MGAT4C: variants seen among roughly 807,000 people sequenced by gnomAD.
The protein encoded by MGAT4C is MGAT4 family member C, also known as alpha-1,3-mannosyl-glycoprotein 4-beta-N-acetylglucosaminyltransferase C.
In MGAT4C, 19 loss-of-function variants were observed where a neutral mutation model predicts 40.1. The ratio of observed to expected loss-of-function variants is 0.47; its 90% CI spans 0.33 to 0.70. The LOEUF (loss-of-function observed/expected upper bound fraction) is 0.70, where lower values mean the gene tolerates loss of function less well. MGAT4C is among the 30% of genes least tolerant of loss of function. The pLI is 0.02. For missense variants in MGAT4C, 491 were observed against 563.2 expected (o/e 0.87, Z 1.30); for synonymous variants, 181 against 187.1 (o/e 0.97, Z 0.27).
intron 1 of MGAT4C, among the ~76,000 whole-genome samples, chr12:86,069,619 C>A (rs958339351): frequency 6.6e-6 from 1 of 152,072 alleles, no homozygotes; most frequent in Non-Finnish European, 1.5e-5. Context: ...GTTCCCCAGG[C>A]CAATTACAGT....
chr12:86,704,721 A>C (rs2136620987), intron 2 of MGAT4C, among the ~76,000 whole-genome samples: 1 of 152,256 alleles, frequency 6.6e-6, no homozygotes, highest in Non-Finnish European at 1.5e-5. Context: ...TAGTAAAATT[A>C]ATTTTCTTGC....
intron 3 of MGAT4C, among the ~76,000 whole-genome samples, chr12:86,366,475 A>C (rs1277799702): frequency 1.3e-5 from 2 of 152,188 alleles, no homozygotes; most frequent in Non-Finnish European, 2.9e-5. Context: ...CAAGAACAGG[A>C]AACCAAAAAC....
chr12:86,488,867 G>A lies in MGAT4C; in HGVS notation c.-228-53602C>T, dbSNP rs140519299. Among the ~76,000 whole-genome samples the A allele has an allele frequency of 1.3e-3, 205 of 152,144 alleles. 4 individuals carry two copies. The highest frequency in any genetic ancestry group is 4.6e-3 in the African/African-American group (193 of 41,528). On this transcript the variant is annotated intron_variant, in intron 2 of 7. Coordinates refer to the MGAT4C transcript ENST00000548651. ...CTATTTCAACAGCAAAAAAAATGTGGTTATTTTAAAAAGAGTGGTAACAAT... is the reference window on the plus strand; with the variant it reads ...CTATTTCAACAGCAAAAAAAATGTGATTATTTTAAAAAGAGTGGTAACAAT...
At chr12:86,738,246 T>C (rs1293821299) in intron 1 of MGAT4C, among the ~76,000 whole-genome samples, 1 of 151,438 alleles carries the variant, frequency 6.6e-6, no homozygotes, top group African/African-American at 2.4e-5. Flanking sequence ...TTCTCACACA[T>C]ATTTGTTTTC....
chr12:86,696,414 C>T (rs1382572592), intron 2 of MGAT4C, among the ~76,000 whole-genome samples: 1 of 152,098 alleles, frequency 6.6e-6, no homozygotes, highest in Non-Finnish European at 1.5e-5. Context: ...TAACCAATTT[C>T]TTTACAATAA....
chr12:85,980,150 T>C lies in MGAT4C; in HGVS notation c.576A>G (p.Pro192=). The change falls in exon 5 of 5, where the codon CCA becomes CCG. Residue 192 remains proline, a synonymous_variant. Transcript: ENST00000611864. ...TGGAACGAAATTTGACTCTATCTTC[T>C]GGATCATTGTAATTTCTTTTAAGGC... ...LDGLKRNYND[P]EDRVKFRSKQ... is the part of the protein sequence containing the mutation. 6.2e-7 allele frequency: 1 copy of C among 1,614,028 alleles called. No homozygotes were observed. The highest frequency in any genetic ancestry group is 8.5e-7 in the Non-Finnish European group (1 of 1,179,916).
intron 2 of MGAT4C, among the ~76,000 whole-genome samples, chr12:86,718,247 CAAACA>C (rs1263600246): frequency 6.6e-6 from 1 of 152,086 alleles, no homozygotes; most frequent in Admixed American, 6.6e-5. Context: ...TCTAAACAAA[CAAACA>C]AATGTTCTCA....
intron 3 of MGAT4C, among the ~76,000 whole-genome samples, chr12:86,433,715 A>G (rs370311316): frequency 6.6e-6 from 1 of 151,952 alleles, no homozygotes; most frequent in African/African-American, 2.4e-5. Flanking sequence ...ACAAGGGGAA[A>G]ACGGCATTGC....
At chr12:86,233,750 AACT>A (rs1951421974) in intron 1 of MGAT4C, among the ~76,000 whole-genome samples, 1 of 152,174 alleles carries the variant, frequency 6.6e-6, no homozygotes, top group South Asian at 2.1e-4. Flanking sequence ...TCATGAAAAT[AACT>A]ATTTTTTGAG....
chr12:86,392,427 G>A (rs143227544), intron 3 of MGAT4C, among the ~76,000 whole-genome samples: 1 of 152,160 alleles, frequency 6.6e-6, no homozygotes, highest in Admixed American at 6.5e-5. Context: ...AGCTGATATT[G>A]CACCACTGCA....
At chr12:86,147,640 C>T (rs1273871864) in intron 1 of MGAT4C, among the ~76,000 whole-genome samples, 3 of 152,080 alleles carry the variant, frequency 2.0e-5, no homozygotes, top group Admixed American at 6.6e-5. Context: ...TTGAGTGGAG[C>T]ATTGGAGATA....
chr12:86,390,369 T>C (rs769701141), intron 3 of MGAT4C, among the ~76,000 whole-genome samples: 9 of 152,222 alleles, frequency 5.9e-5, no homozygotes, highest in African/African-American at 9.6e-5. Flanking sequence ...TAAATTCATA[T>C]GTTTCCAGTC....
chr12:86,443,656 C>T (rs1028413765), intron 2 of MGAT4C, among the ~76,000 whole-genome samples: 4 of 152,294 alleles, frequency 2.6e-5, no homozygotes, highest in South Asian at 2.1e-4. Context: ...TGCAGTGGCA[C>T]GATCTCGGCT....
At chr12:86,059,492 G>T (rs960909449) in intron 1 of MGAT4C, among the ~76,000 whole-genome samples, 1 of 152,038 alleles carries the variant, frequency 6.6e-6, no homozygotes, top group African/African-American at 2.4e-5. Flanking sequence ...CAGTGTTTCC[G>T]GTTTCCTTTC....
intron 1 of MGAT4C, among the ~76,000 whole-genome samples, chr12:86,801,852 A>ATTTT (rs1216474429): frequency 8.0e-6 from 1 of 124,866 alleles, no homozygotes; most frequent in Non-Finnish European, 2.0e-5. Flanking sequence ...GGTAATACAA[A>ATTTT]ATGTTAAGGG....
At chr12:86,434,719 A>G (rs1461614717) in intron 3 of MGAT4C, among the ~76,000 whole-genome samples, 4 of 151,958 alleles carry the variant, frequency 2.6e-5, no homozygotes, top group African/African-American at 9.7e-5. Flanking sequence ...GGTCAAAAAT[A>G]TCTGCAAGTG....
At chr12:86,598,326 T>C (rs1257982436) in intron 2 of MGAT4C, among the ~76,000 whole-genome samples, 1 of 152,106 alleles carries the variant, frequency 6.6e-6, no homozygotes, top group Non-Finnish European at 1.5e-5. Context: ...TTCCTTTCAT[T>C]GAAAAATAAA....
chr12:86,475,616 C>G (rs1207438261), intron 2 of MGAT4C, among the ~76,000 whole-genome samples: 1 of 151,852 alleles, frequency 6.6e-6, no homozygotes, highest in Non-Finnish European at 1.5e-5. Context: ...TAGTTATGGT[C>G]TCTCTTTTCT....
intron 1 of MGAT4C, among the ~76,000 whole-genome samples, chr12:86,205,989 A>G (rs1381206719): frequency 6.6e-6 from 1 of 151,824 alleles, no homozygotes; most frequent in African/African-American, 2.4e-5. Flanking sequence ...GCTTTCTTCC[A>G]TTTAGATTAT....
Sources: allele counts gnomAD v4.1 joint callset (sites outside exome capture counted in the v4.1 genomes callset), GRCh38; gene constraint gnomAD v4.1.1; transcripts MANE v1.5; gene names NCBI Gene and HGNC (gene_info 2026-07-23, HGNC 2026-07-21).